The following ZBTB21 variants were observed in gnomAD, a reference collection of about 807,000 sequenced individuals.
ZBTB21 encodes the protein zinc finger and BTB domain-containing protein 21.
In ZBTB21, 10 loss-of-function variants were observed where a neutral mutation model predicts 39.8. That is an observed-to-expected ratio of 0.25 (90% CI 0.16 to 0.43). ZBTB21 has a LOEUF of 0.43. Ranked by LOEUF, ZBTB21 falls within the 20% of genes least tolerant of loss-of-function variation. ZBTB21 has a pLI of 1.00. For missense variants in ZBTB21, 1,221 were observed against 1,296.3 expected, an observed-to-expected ratio of 0.94 and a Z score of 0.89; for synonymous variants, 551 against 498.8, an observed-to-expected ratio of 1.10 and a Z score of -1.40.
chr21:42,010,119 C>A (rs936115006), intron 1 of ZBTB21, 133 bp downstream of exon 1: 22 of 388,228 alleles, frequency 5.7e-5, no homozygotes, highest in Non-Finnish European at 9.5e-5. Flanking sequence ...AGCCCGCAAC[C>A]CGCTGGTGGA....
Position 41,993,262 on chromosome 21 carries a change from AGGT to A in ZBTB21, c.831_833del (p.Pro278del). The A allele has an allele frequency of 6.2e-7, 1 of 1,612,080 alleles. No individual in the cohort carries two copies. The highest frequency in any genetic ancestry group is 8.5e-7 in the Non-Finnish European group (1 of 1,180,028). On this transcript the variant is annotated inframe_deletion, in exon 3 of 3. Transcript: ENST00000310826. ...CTGATGAGCTACAAACAGACAAAAC[AGGT>A]GGCCGTGGTCTCTTCAAAGCCAGCT...
Position 41,988,805 on chromosome 21 carries a change from C to T in ZBTB21, c.*2090G>A, listed in dbSNP as rs1601625257. ...AACAATATTATTTTTAAAAAATCTTCGAAAATGTAGCATAAAGGTTTAGGT... is the reference window on the plus strand; with the variant it reads ...AACAATATTATTTTTAAAAAATCTTTGAAAATGTAGCATAAAGGTTTAGGT... On this transcript the variant is annotated 3_prime_UTR_variant, in exon 3 of 3. Coordinates refer to ENST00000310826, the MANE Select transcript of ZBTB21 (RefSeq NM_001098402.2). The T allele has an allele frequency of 6.6e-6, 1 of 151,190 alleles. No individual in the cohort carries two copies. Among genetic ancestry groups the T allele is most frequent in the African/African-American group, 2.4e-5 (1 of 41,110 alleles). 9.4% of individuals were successfully genotyped at this position (151,190 alleles called of 1,614,324 possible).
chr21:41,989,128 TCTC>T lies in ZBTB21; in HGVS notation c.*1764_*1766del, dbSNP rs917540842. On this transcript the variant is annotated 3_prime_UTR_variant, in exon 3 of 3. Coordinates refer to ENST00000310826, the MANE Select transcript of ZBTB21 (RefSeq NM_001098402.2). ...TCAATAACTGCAATTTATTTTCCCT[TCTC>T]CATCAAATTTAAGAAAGAATAGGAA... is the stretch of plus-strand genomic sequence containing the variant. 1.1e-4 allele frequency: 16 copies of T among 152,114 alleles called. No individual in the cohort carries two copies. The highest frequency in any genetic ancestry group is 1.5e-5 in the Non-Finnish European group (1 of 67,974). 9.4% of individuals were successfully genotyped at this position (152,114 alleles called of 1,614,324 possible).
chr21:42,003,650 T>C lies in ZBTB21; in HGVS notation c.-78-689A>G, dbSNP rs372672544. On this transcript the variant is annotated intron_variant, in intron 1 of 2. Transcript: ENST00000310826. ...AAAGGAAAGGCTCATTAGAGCATTTTGGACTTTTGGATTAGGGACGCTGAA... is the reference window on the plus strand; with the variant it reads ...AAAGGAAAGGCTCATTAGAGCATTTCGGACTTTTGGATTAGGGACGCTGAA... Among the ~76,000 whole-genome samples, 20 of 152,322 alleles carry C rather than the reference T, an allele frequency of 1.3e-4. No homozygotes were observed. The South Asian group carries it at 1.7e-3, about 13-fold the overall frequency.
Position 41,996,210 on chromosome 21 carries a change from C to T in ZBTB21, c.-13-2102G>A, listed in dbSNP as rs1002895226. Reference sequence around the variant, plus strand: ...CCAGACTCCAGAATGGTAGATACGTCGACAGCTGGCACTGCGTGCCTGCAA... The same window carrying T: ...CCAGACTCCAGAATGGTAGATACGTTGACAGCTGGCACTGCGTGCCTGCAA... On this transcript the variant is annotated intron_variant, in intron 2 of 2. Transcript: ENST00000310826. Among the ~76,000 whole-genome samples, 8 of 152,282 alleles carry T rather than the reference C, an allele frequency of 5.3e-5. No individual in the cohort carries two copies. The South Asian group carries it at 6.2e-4, about 12-fold the overall frequency.
At chr21:42,002,044 T>C (rs543963624) in intron 2 of ZBTB21, among the ~76,000 whole-genome samples, 1 of 152,104 alleles carries the variant, frequency 6.6e-6, no homozygotes, top group Non-Finnish European at 1.5e-5. Flanking sequence ...TGGAGGAAGA[T>C]GGAGGCATGA....
chr21:42,009,907 G>C (rs1446101936), intron 1 of ZBTB21, among the ~76,000 whole-genome samples: 1 of 152,168 alleles, frequency 6.6e-6, no homozygotes, highest in Non-Finnish European at 1.5e-5. Flanking sequence ...CGCGCGCCTG[G>C]GCCAGGCGTG....
intron 2 of ZBTB21, among the ~76,000 whole-genome samples, chr21:42,002,128 C>G (rs780560482): frequency 3.9e-5 from 6 of 152,106 alleles, no homozygotes; most frequent in Non-Finnish European, 7.4e-5. Flanking sequence ...TCCCCAGTAC[C>G]CCAGGATCTA....
Position 42,007,002 on chromosome 21 carries a change from C to T in ZBTB21, c.-79+3250G>A, listed in dbSNP as rs80309157. Among the ~76,000 whole-genome samples, 276 of 152,340 alleles carry T rather than the reference C, an allele frequency of 1.8e-3. 1 individual carries two copies. The highest frequency in any genetic ancestry group is 6.1e-3 in the African/African-American group (252 of 41,590). On this transcript the variant is annotated intron_variant, in intron 1 of 2. Coordinates refer to ENST00000310826, the MANE Select transcript of ZBTB21 (RefSeq NM_001098402.2). ...GAAATCTGTTGAGTCATCCAGTCTG[C>T]AGTACTTTGTTATAGCAGCCCAAGC...
At chr21:41,998,980 CCTTT>C (rs1437941775) in intron 2 of ZBTB21, among the ~76,000 whole-genome samples, 5 of 152,154 alleles carry the variant, frequency 3.3e-5, no homozygotes, top group Admixed American at 2.0e-4. Context: ...AATTTCCCTT[CCTTT>C]TTCTTCTCTT....
intron 1 of ZBTB21, among the ~76,000 whole-genome samples, chr21:42,008,385 G>A (rs2146353985): frequency 6.7e-6 from 1 of 148,578 alleles, no homozygotes; most frequent in East Asian, 1.9e-4. Context: ...GGGCGATGTG[G>A]CGGAAGCCTG....
intron 1 of ZBTB21, among the ~76,000 whole-genome samples, chr21:42,007,181 T>A (rs1395465191): frequency 6.6e-6 from 1 of 152,266 alleles, no homozygotes; most frequent in Non-Finnish European, 1.5e-5. Flanking sequence ...ATCTATTTAA[T>A]ATCTTTTGGC....
Position 41,990,625 on chromosome 21 carries a change from C to T in ZBTB21, c.*270G>A. 3.9e-6 allele frequency: 1 copy of T among 255,878 alleles called. No homozygotes were observed. Among genetic ancestry groups the T allele is most frequent in the Non-Finnish European group, 7.3e-6 (1 of 136,888 alleles). 15.9% of individuals were successfully genotyped at this position (255,878 alleles called of 1,614,324 possible). On this transcript the variant is annotated 3_prime_UTR_variant, in exon 3 of 3. Transcript: ENST00000310826. ...TGACACCATGGAATGAGGAACCATG[C>T]ACACAATCAAGACTAATCCAATTTC...
chr21:41,988,288 A>C lies in ZBTB21; in HGVS notation c.*2607T>G, dbSNP rs1306606465. 1 of 152,250 alleles carries C rather than the reference A, an allele frequency of 6.6e-6. No individual in the cohort carries two copies. The highest frequency in any genetic ancestry group is 2.1e-4 in the South Asian group (1 of 4,838). The allele number at this position is 152,250 out of a possible 1,614,324, so 9.4% of individuals were successfully genotyped here. ...CATTCTTTCCACAACTGCATAAAAA[A>C]GCAGGCATCCTGCATACTTACATGG... is the stretch of plus-strand genomic sequence containing the variant. On this transcript the variant is annotated 3_prime_UTR_variant, in exon 3 of 3. Transcript: ENST00000310826.
intron 1 of ZBTB21, chr21:42,007,970 C>A (rs1193301262): frequency 1.3e-5 from 2 of 152,232 alleles, no homozygotes; most frequent in African/African-American, 4.8e-5. Flanking sequence ...CTCTCAGGTA[C>A]CTACTGAACG....
intron 2 of ZBTB21, among the ~76,000 whole-genome samples, chr21:41,995,833 C>T (rs1422385219): frequency 2.0e-5 from 3 of 152,208 alleles, no homozygotes; most frequent in African/African-American, 7.2e-5. Flanking sequence ...TGCCCTGTGT[C>T]CCAGGTGCTC....
chr21:42,004,011 T>C (rs2065848410), intron 1 of ZBTB21, among the ~76,000 whole-genome samples: 5 of 151,668 alleles, frequency 3.3e-5, no homozygotes, highest in Admixed American at 2.0e-4. Flanking sequence ...CATCTTTTTT[T>C]TTTTTTTTTG....
rs1318776872 is a variant in ZBTB21, at chr21:41,987,806, G to A, written c.*3089C>T. On this transcript the variant is annotated 3_prime_UTR_variant, in exon 3 of 3. Coordinates refer to ENST00000310826, the MANE Select transcript of ZBTB21 (RefSeq NM_001098402.2). ...CCATCTCTCCCTCACCCTGATCAGA[G>A]AGTTGGCCTTGTAGGTGCATCCACA... 6.6e-6 allele frequency: 1 copy of A among 152,276 alleles called. No homozygotes were observed. Among genetic ancestry groups the A allele is most frequent in the African/African-American group, 2.4e-5 (1 of 41,548 alleles). The allele number at this position is 152,276 out of a possible 1,614,324, so 9.4% of individuals were successfully genotyped here.
Position 41,998,067 on chromosome 21 carries a change from A to G in ZBTB21, c.-13-3959T>C, listed in dbSNP as rs149010192. On this transcript the variant is annotated intron_variant, in intron 2 of 2. Transcript: ENST00000310826. The stretch of plus-strand genomic sequence containing the variant: ...AGGCATCTAATTCAGTATCAAAGAA[A>G]GTGGGCAGATTAACCCCACCATACT... Among the ~76,000 whole-genome samples the G allele has an allele frequency of 2.5e-3, 381 of 152,288 alleles. 4 individuals are homozygous for G. The highest frequency in any genetic ancestry group is 8.8e-3 in the African/African-American group (365 of 41,560).
Sources: allele counts gnomAD v4.1 joint callset (sites outside exome capture counted in the v4.1 genomes callset), GRCh38; gene constraint gnomAD v4.1.1; transcripts MANE v1.5; gene names NCBI Gene and HGNC (gene_info 2026-07-23, HGNC 2026-07-21).